CNKSR2: variants seen among roughly 807,000 people sequenced by gnomAD.
CNKSR2 encodes the protein connector enhancer of kinase suppressor of Ras 2, also known as CNK homolog protein 2.
A neutral mutation model predicts 84.4 loss-of-function variants in CNKSR2; 14 were observed. The observed-to-expected ratio is 0.17, with a 90% CI of 0.11 to 0.26. CNKSR2 has a LOEUF of 0.26. Ranked by LOEUF, CNKSR2 falls within the 10% of genes least tolerant of loss-of-function variation. The probability of loss-of-function intolerance (pLI) is 1.00; values close to 1 mark genes in which losing one functional copy is unlikely to be tolerated. For synonymous variants in CNKSR2, 275 were observed against 277.9 expected, an observed-to-expected ratio of 0.99 and a Z score of 0.10; for missense variants, 485 against 771.2, an observed-to-expected ratio of 0.63 and a Z score of 4.40.
At chrX:21,396,434 A>AT (rs1165758055) in intron 1 of CNKSR2, among the ~76,000 whole-genome samples, 1 of 111,076 alleles carries the variant, frequency 9.0e-6, no homozygotes, top group African/African-American at 3.3e-5. Context: ...CATCAAACAG[A>AT]TTTTTTTAAT....
intron 11 of CNKSR2, among the ~76,000 whole-genome samples, chrX:21,559,938 A>G (rs765080133): frequency 5.4e-5 from 6 of 111,959 alleles, no homozygotes; most frequent in African/African-American, 1.9e-4. Flanking sequence ...AGTGTTCACA[A>G]TAAAAAGCCA....
intron 3 of CNKSR2, among the ~76,000 whole-genome samples, chrX:21,439,963 A>G (rs1173601597): frequency 1.8e-5 from 2 of 110,273 alleles, no homozygotes; most frequent in Admixed American, 9.7e-5. Flanking sequence ...AAAAAAAACT[A>G]CAGACCAATA....
rs200785514 is a variant in CNKSR2, at chrX:21,485,579, G to GA, written c.562-4872dup. Among the ~76,000 whole-genome samples the GA allele has an allele frequency of 9.4e-3, 1,031 of 109,993 alleles. 12 individuals are homozygous for GA. The highest frequency in any genetic ancestry group is 0.031 in the African/African-American group (931 of 30,265). ...TTTGAAATTAATATAAACTACCTGA[G>GA]AAAAAAAACACACAATACCATAAAA... On this transcript the variant is annotated intron_variant, in intron 5 of 21. Coordinates refer to ENST00000379510, the MANE Select transcript of CNKSR2 (RefSeq NM_014927.5).
At chrX:21,467,918 A>G (rs1187439667) in intron 4 of CNKSR2, among the ~76,000 whole-genome samples, 1 of 111,341 alleles carries the variant, frequency 9.0e-6, no homozygotes, top group Non-Finnish European at 1.9e-5. Flanking sequence ...TTGAAATTTG[A>G]CTAGAGCAAT....
At chrX:21,431,819 A>G (rs765874824) in intron 2 of CNKSR2, among the ~76,000 whole-genome samples, 2 of 111,889 alleles carry the variant, frequency 1.8e-5, no homozygotes, top group African/African-American at 3.2e-5. Flanking sequence ...GCTATAAAGT[A>G]TAATAGATAA....
At chrX:21,490,765 T>G (rs1262550035) in intron 6 of CNKSR2, 187 bp downstream of exon 6, 1 of 310,281 alleles carries the variant, frequency 3.2e-6, no homozygotes, top group Non-Finnish European at 5.3e-6. Context: ...TGAAGATAAA[T>G]GAAAATGAAG....
intron 21 of CNKSR2, 121 bp from the exon 22 acceptor site, chrX:21,652,185 G>A (rs757786870): frequency 2.5e-4 from 127 of 513,094 alleles, no homozygotes; most frequent in Middle Eastern, 2.2e-3. Context: ...GAGCTGGGTG[G>A]GTGTGAGTAT....
chrX:21,522,972 G>A (rs1441601961), intron 9 of CNKSR2, among the ~76,000 whole-genome samples: 4 of 110,811 alleles, frequency 3.6e-5, no homozygotes, highest in Non-Finnish European at 7.6e-5. Flanking sequence ...ACAGTAGTAC[G>A]TTATCACCAA....
intron 20 of CNKSR2, among the ~76,000 whole-genome samples, chrX:21,637,044 G>C (rs956978440): frequency 6.3e-5 from 7 of 111,538 alleles, no homozygotes; most frequent in African/African-American, 2.3e-4. Flanking sequence ...TGTGAAAGAT[G>C]TCTTCAGTTG....
At chrX:21,638,380 TAAAGC>T (rs1407307670) in intron 20 of CNKSR2, among the ~76,000 whole-genome samples, 7 of 111,992 alleles carry the variant, frequency 6.3e-5, no homozygotes, top group Middle Eastern at 4.6e-3. Flanking sequence ...TTTAAATTCA[TAAAGC>T]AAAAAGAGAA....
At chrX:21,486,895 G>A (rs2091391290) in intron 5 of CNKSR2, among the ~76,000 whole-genome samples, 1 of 111,398 alleles carries the variant, frequency 9.0e-6, no homozygotes, top group Admixed American at 9.5e-5. Flanking sequence ...CTGCTAATGT[G>A]GTTTCCTGCA....
rs745431599 is a variant in CNKSR2, at chrX:21,609,352, C to G, written c.2427C>G (p.Thr809=). The G allele has an allele frequency of 8.3e-7, 1 of 1,211,763 alleles. No homozygotes were observed. Among genetic ancestry groups the G allele is most frequent in the Non-Finnish European group, 1.1e-6 (1 of 895,409 alleles). ...CCCCAGAGCACAGGCGGCAGTCTAC[C>G]CTGCCAACTCAGAAATGCCACCTGC... ...AISPEHRRQS[T]LPTQKCHLQD... is the part of the protein sequence containing the mutation. Residue 809 remains threonine (T), a synonymous_variant, in exon 20 of 22, where the codon ACC becomes ACG. Coordinates refer to ENST00000379510, the MANE Select transcript of CNKSR2 (RefSeq NM_014927.5).
chrX:21,613,300 C>T (rs1290536758), intron 20 of CNKSR2, among the ~76,000 whole-genome samples: 1 of 111,925 alleles, frequency 8.9e-6, no homozygotes, highest in Admixed American at 9.5e-5. Context: ...TTTCCTTTGC[C>T]GTATGTACTA....
At chrX:21,530,948 A>T (rs2091880736) in intron 10 of CNKSR2, among the ~76,000 whole-genome samples, 1 of 110,372 alleles carries the variant, frequency 9.1e-6, no homozygotes, top group Non-Finnish European at 1.9e-5. Context: ...AGAAGAAAAA[A>T]ATCAACTTGC....
At chrX:21,600,139 C>T (rs564222083) in intron 17 of CNKSR2, among the ~76,000 whole-genome samples, 2 of 111,646 alleles carry the variant, frequency 1.8e-5, no homozygotes, top group East Asian at 2.8e-4. Flanking sequence ...TCCATAGATG[C>T]GATTTTGTCT....
At chrX:21,633,940 C>G (rs2092658697) in intron 20 of CNKSR2, among the ~76,000 whole-genome samples, 1 of 112,098 alleles carries the variant, frequency 8.9e-6, no homozygotes, top group Non-Finnish European at 1.9e-5. Context: ...CAGCAATTTC[C>G]AAGACAGCTA....
At chrX:21,490,005 G>C in intron 5 of CNKSR2, among the ~76,000 whole-genome samples, 1 of 111,931 alleles carries the variant, frequency 8.9e-6, no homozygotes, top group African/African-American at 3.2e-5. Context: ...AGATAAATAA[G>C]TAGGAAGAGT....
Position 21,591,072 on chromosome X carries a change from C to T in CNKSR2, c.1708C>T (p.Arg570Cys), listed in dbSNP as rs2092417560. ...KRRISCKDLG[R>C]GDCEGWLWKK... ...ACGAATTTCTTGCAAAGATCTTGGC[C>T]GTGGTGACTGTGAGGGCTGGCTTTG... Residue 570 changes from arginine to cysteine, a missense_variant, in exon 15 of 22, where the codon CGT (arginine) becomes TGT (cysteine). Transcript: ENST00000379510. 2 of 1,209,253 alleles carry T rather than the reference C, an allele frequency of 1.7e-6. No homozygotes were observed. The highest frequency in any genetic ancestry group is 2.2e-6 in the Non-Finnish European group (2 of 894,153).
At chrX:21,649,870 A>G (rs938539629) in intron 21 of CNKSR2, among the ~76,000 whole-genome samples, 1 of 112,373 alleles carries the variant, frequency 8.9e-6, no homozygotes, top group Non-Finnish European at 1.9e-5. Context: ...CAAAACCACA[A>G]TGAGATACCA....
Sources: gnomAD v4.1 joint callset for allele counts (sites outside exome capture counted in the v4.1 genomes callset) on GRCh38, gnomAD v4.1.1 for gene constraint, MANE v1.5 for transcripts, NCBI Gene and HGNC (gene_info 2026-07-23, HGNC 2026-07-21) for gene names.